Variants in FARP1 observed in about 807,000 individuals in gnomAD.
FARP1 encodes FERM, ARHGEF and pleckstrin domain-containing protein 1.
FARP1 carries 52 observed loss-of-function variants against 128.8 expected under a neutral mutation model. The ratio of observed to expected loss-of-function variants is 0.40; its 90% confidence interval spans 0.32 to 0.51. The LOEUF (loss-of-function observed/expected upper bound fraction) is 0.51, where lower values mean the gene tolerates loss of function less well. FARP1 is among the 20% of genes least tolerant of loss of function. FARP1 has a pLI of 0.45. For missense variants in FARP1, 1,333 were observed against 1,367.9 expected, an observed-to-expected ratio of 0.97 and a Z score of 0.40; for synonymous variants, 580 against 551.8, an observed-to-expected ratio of 1.05 and a Z score of -0.72.
At position 98,448,632 on chromosome 13, in the gene FARP1, A is replaced by G; in HGVS notation, c.*315A>G. 1 of 308,976 alleles carries G rather than the reference A, an allele frequency of 3.2e-6. No homozygotes were observed. The highest frequency in any genetic ancestry group is 6.1e-6 in the Non-Finnish European group (1 of 165,174). 19.1% of individuals were successfully genotyped at this position (308,976 alleles called of 1,614,324 possible). A position where few individuals can be genotyped will look rare whatever the true frequency, so the allele number is the denominator to read the frequency against. On this transcript the variant is annotated 3_prime_UTR_variant, in exon 27 of 27. Coordinates refer to ENST00000319562, the MANE Select transcript of FARP1 (RefSeq NM_005766.4). Reference sequence around the variant, plus strand: ...TGCCCCTGAAAAACAGTACACACACATCCGTTCAACACAAGACAGGGCAAG... The same window carrying G: ...TGCCCCTGAAAAACAGTACACACACGTCCGTTCAACACAAGACAGGGCAAG...
intron 16 of FARP1, among the ~76,000 whole-genome samples, chr13:98,423,847 C>G (rs753600381): frequency 2.0e-5 from 3 of 152,178 alleles, no homozygotes; most frequent in Non-Finnish European, 4.4e-5. Flanking sequence ...TTTTATATTT[C>G]TCTCTGCGTT....
chr13:98,174,937 C>T (rs927077302), intron 1 of FARP1, among the ~76,000 whole-genome samples: 1 of 152,154 alleles, frequency 6.6e-6, no homozygotes, highest in Non-Finnish European at 1.5e-5. Flanking sequence ...CCCTCAACCA[C>T]GGCTCTGCTT....
chr13:98,366,622 T>A (rs531878716), intron 4 of FARP1, among the ~76,000 whole-genome samples: 12 of 152,264 alleles, frequency 7.9e-5, no homozygotes, highest in Non-Finnish European at 1.6e-4. Context: ...GTCTCCTCCA[T>A]ATGCTGTGAC....
chr13:98,188,817 C>T (rs78351389), intron 1 of FARP1, among the ~76,000 whole-genome samples: 5,166 of 152,246 alleles, frequency 0.034, 280 homozygotes, highest in African/African-American at 0.12. Context: ...GGGGGTGAAA[C>T]GGGGACGCAT....
At chr13:98,407,840 T>C (rs1891040627) in intron 13 of FARP1, among the ~76,000 whole-genome samples, 1 of 152,198 alleles carries the variant, frequency 6.6e-6, no homozygotes, top group Admixed American at 6.5e-5. Flanking sequence ...GGTTCATTTA[T>C]ACTGGGACCA....
intron 2 of FARP1, among the ~76,000 whole-genome samples, chr13:98,216,378 T>C (rs761215448): frequency 6.6e-6 from 1 of 152,152 alleles, no homozygotes; most frequent in Non-Finnish European, 1.5e-5. Flanking sequence ...GTGAAACTTT[T>C]TGCTGGGAAT....
At position 98,446,188 on chromosome 13, in the gene FARP1, T is replaced by TTCTACAAATCACACCAG; in HGVS notation, c.2888_2904dup (p.Asp969SerfsTer61). 6.2e-7 allele frequency: 1 copy of TTCTACAAATCACACCAG among 1,612,860 alleles called. No homozygotes were observed. Among genetic ancestry groups the TTCTACAAATCACACCAG allele is most frequent in the Non-Finnish European group, 8.5e-7 (1 of 1,178,912 alleles). On this transcript the variant is annotated frameshift_variant, in exon 25 of 27. Transcript: ENST00000319562. LOFTEE classifies it high-confidence loss of function. ...GGTGTTCACAAACTTCTGCCTGTTCTTCTACAAATCACACCAGGTAAGTGT... is the reference window on the plus strand; with the variant it reads ...GGTGTTCACAAACTTCTGCCTGTTCTTCTACAAATCACACCAGTCTACAAATCACACCAGGTAAGTGT...
chr13:98,296,522 C>T (rs1169380208), intron 2 of FARP1, among the ~76,000 whole-genome samples: 1 of 148,284 alleles, frequency 6.7e-6, no homozygotes, highest in Non-Finnish European at 1.5e-5. Context: ...GGACCCCCCG[C>T]TCTTCATGCA....
chr13:98,444,559 C>T (rs1233573450), intron 24 of FARP1, among the ~76,000 whole-genome samples: 4 of 152,192 alleles, frequency 2.6e-5, no homozygotes, highest in Admixed American at 6.5e-5. Flanking sequence ...GCCCGTAACA[C>T]GCTGGAGGCC....
In FARP1 at chr13:98,346,930, C is replaced by A. The variant is rs1406616733; in HGVS notation, c.276+3064C>A. ...AGTTCTGCCTTACAACATGTGACATCGATAACTTCAATAATAGTTACAGAT... is the reference window on the plus strand; with the variant it reads ...AGTTCTGCCTTACAACATGTGACATAGATAACTTCAATAATAGTTACAGAT... On this transcript the variant is annotated intron_variant, in intron 3 of 26. Transcript: ENST00000319562. 3.9e-5 allele frequency among the ~76,000 whole-genome samples: 6 copies of A among 152,238 alleles called. No individual in the cohort carries two copies. In the South Asian group the frequency reaches 1.2e-3, roughly 32 times the overall value.
intron 2 of FARP1, among the ~76,000 whole-genome samples, chr13:98,237,611 T>G (rs1882501741): frequency 6.6e-6 from 1 of 152,170 alleles, no homozygotes; most frequent in Non-Finnish European, 1.5e-5. Context: ...TTCTTGCGTA[T>G]TTTTTCATCA....
chr13:98,239,333 C>T (rs1882628474), intron 2 of FARP1, among the ~76,000 whole-genome samples: 1 of 152,192 alleles, frequency 6.6e-6, no homozygotes, highest in African/African-American at 2.4e-5. Context: ...TCAGCCAAGG[C>T]CCTCAGGGCA....
intron 2 of FARP1, among the ~76,000 whole-genome samples, chr13:98,268,825 G>A: frequency 6.9e-6 from 1 of 145,200 alleles, no homozygotes; most frequent in Non-Finnish European, 1.5e-5. Context: ...TGTGTATACA[G>A]CTTCCCAAGT....
At chr13:98,192,745 T>C (rs1879319633) in intron 1 of FARP1, among the ~76,000 whole-genome samples, 1 of 152,116 alleles carries the variant, frequency 6.6e-6, no homozygotes, top group South Asian at 2.1e-4. Flanking sequence ...CCTGGGCCAT[T>C]TTAAGAAAAA....
rs61501785 is a variant in FARP1, at chr13:98,397,919, A to AAAAAAG, written c.1414+2443_1414+2444insAAAAAG. 1.9e-3 allele frequency: 241 copies of AAAAAAG among 124,072 alleles called. 5 individuals are homozygous for AAAAAAG. The highest frequency in any genetic ancestry group is 3.2e-3 in the South Asian group (13 of 4,020). 7.7% of individuals were successfully genotyped at this position (124,072 alleles called of 1,614,324 possible). A position where few individuals can be genotyped will look rare whatever the true frequency, so the allele number is the denominator to read the frequency against. On this transcript the variant is annotated intron_variant, in intron 13 of 26. Coordinates refer to ENST00000319562, the MANE Select transcript of FARP1 (RefSeq NM_005766.4). ...TTTTTTGAAAAAAAAAAAAAAAAAA[A>AAAAAAG]GATAAATTGTAGAATAAAATTTTTA... is the stretch of plus-strand genomic sequence containing the variant.
At chr13:98,279,647 C>T (rs899492619) in intron 2 of FARP1, among the ~76,000 whole-genome samples, 12 of 152,300 alleles carry the variant, frequency 7.9e-5, no homozygotes, top group South Asian at 4.1e-4. Context: ...TGGTTCTGTT[C>T]GGCTTGAGAG....
intron 2 of FARP1, among the ~76,000 whole-genome samples, chr13:98,228,357 T>C (rs564986126): frequency 1.3e-4 from 20 of 151,294 alleles, no homozygotes; most frequent in Admixed American, 9.2e-4. Flanking sequence ...TGAAAATCAG[T>C]CTCAAAAAAT....
At chr13:98,404,149 C>T (rs1254911144) in intron 13 of FARP1, 1 of 152,294 alleles carries the variant, frequency 6.6e-6, no homozygotes, top group Non-Finnish European at 1.5e-5. Context: ...TCCATTAGTG[C>T]ATTTCAATTC....
rs866825625 is a variant in FARP1 at position 98,344,041 on chromosome 13, G to A, written c.276+175G>A. ...CCTCAGTACCTCTTGGTTTAGACTA[G>A]CCATGTTTCAAGTGCTCAGTCATCA... On this transcript the variant is annotated intron_variant, in intron 3 of 26. Transcript: ENST00000319562. Among the ~76,000 whole-genome samples the A allele has an allele frequency of 5.3e-5, 8 of 152,262 alleles. No homozygotes were observed. In the Middle Eastern group the frequency reaches 0.01, roughly 194 times the overall value.
Sources: gnomAD v4.1 joint callset for allele counts (sites outside exome capture counted in the v4.1 genomes callset) on GRCh38, gnomAD v4.1.1 for gene constraint, MANE v1.5 for transcripts, NCBI Gene and HGNC (gene_info 2026-07-23, HGNC 2026-07-21) for gene names.